Variants in CLVS1 observed in about 807,000 individuals in gnomAD.
CLVS1 encodes clavesin 1.
CLVS1 carries 10 observed loss-of-function variants against 33.1 expected under a neutral mutation model. The observed-to-expected ratio is 0.30, with a 90% CI of 0.19 to 0.51. The LOEUF (loss-of-function observed/expected upper bound fraction) is 0.51, where lower values mean the gene tolerates loss of function less well. Ranked by LOEUF, CLVS1 falls within the 20% of genes least tolerant of loss-of-function variation. The pLI, the probability that CLVS1 is intolerant of heterozygous loss-of-function variation, is 0.97. For synonymous variants in CLVS1, 163 were observed against 166.1 expected (o/e 0.98, Z 0.14); for missense variants, 343 against 433.4 (o/e 0.79, Z 1.85).
chr8:61,077,465 T>C, intron 1 of CLVS1, among the ~76,000 whole-genome samples: 1 of 143,182 alleles, frequency 7.0e-6, no homozygotes, highest in South Asian at 2.1e-4. Flanking sequence ...ATTATTATTA[T>C]TATTATTATT....
chr8:61,035,728 C>T, the CLVS1 span, among the ~76,000 whole-genome samples: 1 of 152,134 alleles, frequency 6.6e-6, no homozygotes, highest in Non-Finnish European at 1.5e-5. Flanking sequence ...CAGGCAGACA[C>T]CTCAACAATG....
At chr8:61,057,058 G>A (rs1309948840), upstream of CLVS1, 1 of 152,172 alleles carries the variant, frequency 6.6e-6, no homozygotes, top group Non-Finnish European at 1.5e-5. Flanking sequence ...GGGTCTGAGG[G>A]TGAGGGGGGA....
At chr8:61,239,337 T>A (rs1032054400) in intron 2 of CLVS1, among the ~76,000 whole-genome samples, 6 of 152,230 alleles carry the variant, frequency 3.9e-5, no homozygotes, top group Non-Finnish European at 7.3e-5. Flanking sequence ...TTTCTGCATA[T>A]TTCTTTTGTG....
At chr8:61,455,158 T>G (rs571498021) in intron 4 of CLVS1, among the ~76,000 whole-genome samples, 15 of 147,874 alleles carry the variant, frequency 1.0e-4, no homozygotes, top group African/African-American at 3.8e-4. Flanking sequence ...AACACATCTA[T>G]CACCTCCTAT....
At chr8:61,202,479 T>A in intron 2 of CLVS1, 1 of 872,040 alleles carries the variant, frequency 1.1e-6, no homozygotes, top group Non-Finnish European at 1.9e-6. Context: ...GCCAGTTGTC[T>A]TTAAGAACGG....
chr8:61,310,961 T>C (rs1345623817), intron 2 of CLVS1, among the ~76,000 whole-genome samples: 1 of 152,186 alleles, frequency 6.6e-6, no homozygotes, highest in Non-Finnish European at 1.5e-5. Context: ...GTTTTTCTCC[T>C]TTGTTTGGTA....
chr8:61,211,632 A>T (rs1304713470), intron 2 of CLVS1, among the ~76,000 whole-genome samples: 1 of 152,192 alleles, frequency 6.6e-6, no homozygotes, highest in East Asian at 1.9e-4. Flanking sequence ...GCAAGTACAA[A>T]TCTGCTTCTT....
In CLVS1 at chr8:61,237,806, TTTTGTTTTCTCCAAATCCAC is replaced by T. The variant is rs1160930714; in HGVS notation, c.-151-61870_-151-61851del. 1.1e-4 allele frequency among the ~76,000 whole-genome samples: 17 copies of T among 150,832 alleles called. No individual in the cohort carries two copies. In the East Asian group the frequency reaches 3.3e-3, roughly 29 times the overall value. On this transcript the variant is annotated intron_variant, in intron 2 of 2. Transcript: ENST00000522621. Reference sequence around the variant, plus strand: ...GGTCAGACCAAGAAAGGTTGGGGCCTTTTGTTTTCTCCAAATCCACGGGGGTTCAGAGACACAGGGAGCCC... The same window carrying T: ...GGTCAGACCAAGAAAGGTTGGGGCCTGGGGGTTCAGAGACACAGGGAGCCC...
intron 5 of CLVS1, among the ~76,000 whole-genome samples, chr8:61,468,926 T>A (rs903137156): frequency 6.6e-6 from 1 of 152,130 alleles, no homozygotes; most frequent in Non-Finnish European, 1.5e-5. Flanking sequence ...GTGAGCTGAA[T>A]GGAGCGATAC....
intron 2 of CLVS1, among the ~76,000 whole-genome samples, chr8:61,314,502 A>G (rs969674911): frequency 2.6e-5 from 4 of 152,236 alleles, no homozygotes; most frequent in African/African-American, 7.2e-5. Context: ...CAAGCATACA[A>G]AAGAACTTAA....
At chr8:61,369,313 T>C (rs1180326500) in intron 2 of CLVS1, among the ~76,000 whole-genome samples, 2 of 152,166 alleles carry the variant, frequency 1.3e-5, no homozygotes, top group African/African-American at 4.8e-5. Context: ...CAGAACACAA[T>C]TTTTTTTCTT....
intron 3 of CLVS1, among the ~76,000 whole-genome samples, chr8:61,442,740 C>T (rs1406476962): frequency 6.6e-6 from 1 of 152,118 alleles, no homozygotes; most frequent in Non-Finnish European, 1.5e-5. Context: ...GCTGGGATTA[C>T]AGGCACACGC....
At chr8:61,474,382 C>T (rs1432625780) in intron 5 of CLVS1, among the ~76,000 whole-genome samples, 9 of 152,200 alleles carry the variant, frequency 5.9e-5, no homozygotes, top group Admixed American at 3.9e-4. Flanking sequence ...GAAGATGCAG[C>T]GGGCTCAGAA....
intron 1 of CLVS1, among the ~76,000 whole-genome samples, chr8:61,077,363 G>A (rs978669892): frequency 2.0e-5 from 3 of 151,650 alleles, no homozygotes; most frequent in South Asian, 2.1e-4. Flanking sequence ...GAGCCACTGC[G>A]CCCAGCCGAT....
At chr8:61,462,762 G>A (rs1006924210) in intron 5 of CLVS1, among the ~76,000 whole-genome samples, 3 of 152,110 alleles carry the variant, frequency 2.0e-5, no homozygotes, top group Admixed American at 2.0e-4. Flanking sequence ...AAGCTTCATT[G>A]TTCTATTTAT....
intron 1 of CLVS1, among the ~76,000 whole-genome samples, chr8:61,076,830 C>T (rs77602274): frequency 8.7e-4 from 133 of 152,250 alleles, no homozygotes; most frequent in African/African-American, 3.1e-3. Flanking sequence ...AGGCCAGAGT[C>T]CCTACACCAA....
the CLVS1 span, among the ~76,000 whole-genome samples, chr8:61,010,885 A>G: frequency 1.3e-5 from 2 of 152,240 alleles, no homozygotes; most frequent in African/African-American, 2.4e-5. Flanking sequence ...ACTATGTGAG[A>G]AGCAGCGCAG....
chr8:61,215,657 CG>C (rs1808066839), intron 2 of CLVS1, among the ~76,000 whole-genome samples: 1 of 150,250 alleles, frequency 6.7e-6, no homozygotes, highest in Non-Finnish European at 1.5e-5. Flanking sequence ...GTATTGAACT[CG>C]GAATTATGGC....
chr8:61,402,955 G>A (rs1361119339), intron 3 of CLVS1, among the ~76,000 whole-genome samples: 2 of 152,212 alleles, frequency 1.3e-5, no homozygotes, highest in Non-Finnish European at 2.9e-5. Context: ...TTGCATGCGT[G>A]CATGCAGGCA....
Sources: allele counts gnomAD v4.1 joint callset (sites outside exome capture counted in the v4.1 genomes callset), GRCh38; gene constraint gnomAD v4.1.1; transcripts MANE v1.5; gene names NCBI Gene and HGNC (gene_info 2026-07-23, HGNC 2026-07-21).